Variants in NRCAM observed in about 807,000 individuals in gnomAD.
NRCAM encodes the protein neuronal cell adhesion molecule, also known as NgCAM-related cell adhesion molecule.
NRCAM carries 83 observed loss-of-function variants against 156.5 expected under a neutral mutation model. The observed-to-expected ratio is 0.53, with a 90% CI of 0.44 to 0.64. The LOEUF (loss-of-function observed/expected upper bound fraction) is 0.64, where lower values mean the gene tolerates loss of function less well. Ranked by LOEUF, NRCAM falls within the 30% of genes least tolerant of loss-of-function variation. The pLI, the probability that NRCAM is intolerant of heterozygous loss-of-function variation, is 0.00. For synonymous variants in NRCAM, 538 were observed against 563.9 expected (o/e 0.95, Z 0.65); for missense variants, 1,417 against 1,597.3 (o/e 0.89, Z 1.92).
intron 3 of NRCAM, among the ~76,000 whole-genome samples, chr7:108,267,600 G>A (rs1036686845): frequency 1.3e-5 from 2 of 152,152 alleles, no homozygotes; most frequent in African/African-American, 4.8e-5. Context: ...TTTTAAAAGG[G>A]AAACGGTTTT....
chr7:108,391,511 G>C (rs1164234960), intron 2 of NRCAM, among the ~76,000 whole-genome samples: 3 of 151,862 alleles, frequency 2.0e-5, no homozygotes, highest in African/African-American at 7.3e-5. Context: ...ACACTGATGG[G>C]TCTTGACTCT....
chr7:108,274,781 T>C (rs2097529647), intron 3 of NRCAM, among the ~76,000 whole-genome samples: 1 of 152,210 alleles, frequency 6.6e-6, no homozygotes, highest in Non-Finnish European at 1.5e-5. Context: ...ACATTTTGAA[T>C]AGGAGTGGCG....
intron 3 of NRCAM, among the ~76,000 whole-genome samples, chr7:108,256,147 G>C (rs866666521): frequency 1.3e-5 from 2 of 151,398 alleles, no homozygotes; most frequent in African/African-American, 4.9e-5. Context: ...CATTGAGAAC[G>C]GGCCATGATG....
chr7:108,391,256 C>T (rs2099758893), intron 2 of NRCAM, among the ~76,000 whole-genome samples: 1 of 151,990 alleles, frequency 6.6e-6, no homozygotes. Context: ...TCTGGGTGCT[C>T]CTGTATTGGG....
At chr7:108,185,487 G>A (rs757410896) in intron 20 of NRCAM, among the ~76,000 whole-genome samples, 3 of 152,130 alleles carry the variant, frequency 2.0e-5, no homozygotes, top group Non-Finnish European at 2.9e-5. Context: ...TGTAATCTCA[G>A]CACTTTGGGA....
chr7:108,213,005 G>A (rs941786779), intron 11 of NRCAM, among the ~76,000 whole-genome samples: 1 of 152,088 alleles, frequency 6.6e-6, no homozygotes, highest in African/African-American at 2.4e-5. Context: ...AAAGCATGAG[G>A]TAACCTATAA....
chr7:108,427,445 G>A (rs548500531), intron 1 of NRCAM, among the ~76,000 whole-genome samples: 3 of 151,970 alleles, frequency 2.0e-5, no homozygotes, highest in Non-Finnish European at 2.9e-5. Context: ...GTTATTGTTC[G>A]GCCCAATATT....
At chr7:108,231,509 T>C (rs1286017956) in intron 7 of NRCAM, among the ~76,000 whole-genome samples, 1 of 152,110 alleles carries the variant, frequency 6.6e-6, no homozygotes. Flanking sequence ...GAATTACACA[T>C]CTACACCTCT....
chr7:108,232,516 G>A lies in NRCAM; in HGVS notation c.237C>T (p.Ser79=), dbSNP rs1321723544. The A allele has an allele frequency of 6.2e-7, 1 of 1,607,958 alleles. No individual in the cohort carries two copies. The highest frequency in any genetic ancestry group is 1.7e-5 in the Admixed American group (1 of 58,828). ...CAAAATGAGTCCCATTACGGGTCCA[G>A]GAAAAGCTGCCCAACACACGAAGTG... The part of the protein sequence containing the change: ...EAKGKPPPSF[S]WTRNGTHFDI... The change falls in exon 7 of 33, where the codon TCC becomes TCT. Residue 79 remains serine (S), a synonymous_variant. Coordinates refer to ENST00000379028, the MANE Select transcript of NRCAM (RefSeq NM_001037132.4).
intron 1 of NRCAM, among the ~76,000 whole-genome samples, chr7:108,416,444 T>C (rs761480749): frequency 1.3e-5 from 2 of 152,216 alleles, no homozygotes; most frequent in Non-Finnish European, 2.9e-5. Flanking sequence ...TTGTCAGAAC[T>C]ATGCTTTGTC....
chr7:108,311,683 G>A (rs1284002909), intron 3 of NRCAM, among the ~76,000 whole-genome samples: 1 of 152,168 alleles, frequency 6.6e-6, no homozygotes, highest in Non-Finnish European at 1.5e-5. Context: ...TATGAAGTCA[G>A]TTTCAATACA....
chr7:108,347,032 GTTTTTT>G (rs754160030), intron 2 of NRCAM, among the ~76,000 whole-genome samples: 6 of 83,052 alleles, frequency 7.2e-5, no homozygotes, highest in Admixed American at 2.0e-4. Context: ...TTATATTTCT[GTTTTTT>G]TTTTTTTTTT....
In NRCAM at chr7:108,166,958, A is replaced by G; in HGVS notation, c.3429T>C (p.Gly1143=). 6.2e-7 allele frequency: 1 copy of G among 1,613,784 alleles called. No individual in the cohort carries two copies. Among genetic ancestry groups the G allele is most frequent in the Non-Finnish European group, 8.5e-7 (1 of 1,179,864 alleles). Residue 1143 remains glycine, a synonymous_variant, in exon 30 of 33, where the codon GGT becomes GGC. Transcript: ENST00000379028. ...CAAACACATCCTCTGAACTCACAAA[A>G]CCAGAGTCCCCCACAGCACCAACTC... ...KVRVGAVGDS[G]FVSSEDVFET...
At chr7:108,279,315 A>G (rs2097767993) in intron 3 of NRCAM, among the ~76,000 whole-genome samples, 1 of 152,128 alleles carries the variant, frequency 6.6e-6, no homozygotes, top group Non-Finnish European at 1.5e-5. Context: ...ATTTTTACAT[A>G]CTCACAAATC....
chr7:108,174,991 C>T lies in NRCAM; in HGVS notation c.3187+331G>A, dbSNP rs528090644. ...ATCACAGGGCTAATATTTCTGAACC[C>T]CAAATAATGTGGCATGGCCATATAG... On this transcript the variant is annotated intron_variant, in intron 28 of 32. Transcript: ENST00000379028. 8.1e-4 allele frequency among the ~76,000 whole-genome samples: 124 copies of T among 152,274 alleles called. 1 individual carries two copies. The highest frequency in any genetic ancestry group is 2.8e-3 in the African/African-American group (118 of 41,552).
At chr7:108,455,673 G>T (rs891295971) in intron 1 of NRCAM, among the ~76,000 whole-genome samples, 1 of 152,188 alleles carries the variant, frequency 6.6e-6, no homozygotes, top group Non-Finnish European at 1.5e-5. Context: ...CGAACTCCGT[G>T]GTCAGCACAG....
At position 108,315,744 on chromosome 7, in the gene NRCAM, G is replaced by T. The variant is rs549224116; in HGVS notation, c.-173-3013C>A. Among the ~76,000 whole-genome samples, 9 of 152,324 alleles carry T rather than the reference G, an allele frequency of 5.9e-5. No individual in the cohort carries two copies. The South Asian group carries it at 1.9e-3, about 32-fold the overall frequency. On this transcript the variant is annotated intron_variant, in intron 2 of 32. Transcript: ENST00000379028. ...GTGGAAGTTAGGGTGGGAGCAAGAA[G>T]GGATCCATTCGAGCAAGAAACTTGC...
intron 20 of NRCAM, among the ~76,000 whole-genome samples, chr7:108,188,594 G>T (rs1194594205): frequency 6.6e-6 from 1 of 151,550 alleles, no homozygotes; most frequent in African/African-American, 2.4e-5. Flanking sequence ...GTAAATGAAT[G>T]AAAGAGTAGA....
chr7:108,369,271 CACAT>C (rs1342252770), intron 2 of NRCAM, among the ~76,000 whole-genome samples: 1 of 151,898 alleles, frequency 6.6e-6, no homozygotes, highest in Non-Finnish European at 1.5e-5. Context: ...TGTATCCACC[CACAT>C]ACATTTTGAC....
Sources: gnomAD v4.1 joint callset for allele counts (sites outside exome capture counted in the v4.1 genomes callset) on GRCh38, gnomAD v4.1.1 for gene constraint, MANE v1.5 for transcripts, NCBI Gene and HGNC (gene_info 2026-07-23, HGNC 2026-07-21) for gene names.